The following USH2A variants were observed in gnomAD, a reference collection of about 807,000 sequenced individuals.
USH2A encodes Usher syndrome 2A (autosomal recessive, mild).
A neutral mutation model predicts 538.9 loss-of-function variants in USH2A; 443 were observed. That is an observed-to-expected ratio of 0.82 (90% CI 0.76 to 0.89). The LOEUF is 0.89. Ranked by LOEUF, USH2A falls within the 40% of genes least tolerant of loss-of-function variation. The pLI is 0.00. For missense variants in USH2A, 6,633 were observed against 6,324.8 expected (o/e 1.05, Z -1.65); for synonymous variants, 2,413 against 2,273.5 (o/e 1.06, Z -1.75).
chr1:216,303,584 T>TA (rs1252513105), intron 9 of USH2A, among the ~76,000 whole-genome samples: 2 of 152,062 alleles, frequency 1.3e-5, no homozygotes, highest in Admixed American at 6.6e-5. Flanking sequence ...ATTAGTAAAT[T>TA]AAAAAACCCT....
chr1:216,195,330 A>G (rs2034814129), intron 19 of USH2A, among the ~76,000 whole-genome samples: 1 of 152,120 alleles, frequency 6.6e-6, no homozygotes, highest in East Asian at 1.9e-4. Flanking sequence ...GCTCAACCTC[A>G]GCTCATACCT....
chr1:215,954,863 C>T (rs1667024715), intron 37 of USH2A, among the ~76,000 whole-genome samples: 1 of 152,104 alleles, frequency 6.6e-6, no homozygotes, highest in Non-Finnish European at 1.5e-5. Flanking sequence ...TTCTTTTCTT[C>T]ACTCCCTAGC....
intron 38 of USH2A, among the ~76,000 whole-genome samples, chr1:215,910,208 C>T (rs1329969178): frequency 2.0e-5 from 3 of 151,986 alleles, no homozygotes; most frequent in Non-Finnish European, 2.9e-5. Flanking sequence ...GAACATTTCA[C>T]ACTTTTGTCA....
At chr1:216,102,379 T>C in intron 21 of USH2A, among the ~76,000 whole-genome samples, 1 of 149,312 alleles carries the variant, frequency 6.7e-6, no homozygotes, top group South Asian at 2.1e-4. Context: ...TTTTTATATA[T>C]AATATTAAAT....
chr1:216,093,974 G>A (rs2032375670), intron 22 of USH2A, among the ~76,000 whole-genome samples: 1 of 152,090 alleles, frequency 6.6e-6, no homozygotes, highest in Non-Finnish European at 1.5e-5. Flanking sequence ...CAACCTCAAG[G>A]GGCTACTTCA....
chr1:215,787,075 T>C (rs988145568), intron 51 of USH2A, among the ~76,000 whole-genome samples: 10 of 152,172 alleles, frequency 6.6e-5, no homozygotes, highest in Non-Finnish European at 1.0e-4. Flanking sequence ...CAAATTGGGA[T>C]TAAAATTTCA....
chr1:216,017,389 T>A (rs1397631531), intron 32 of USH2A, among the ~76,000 whole-genome samples: 1 of 152,226 alleles, frequency 6.6e-6, no homozygotes, highest in Non-Finnish European at 1.5e-5. Context: ...GAGGAGATAA[T>A]CGAGATAACT....
chr1:216,243,762 T>C (rs183121912), intron 13 of USH2A, among the ~76,000 whole-genome samples: 1 of 152,224 alleles, frequency 6.6e-6, no homozygotes, highest in Non-Finnish European at 1.5e-5. Flanking sequence ...CATTTTCTAC[T>C]AAATATTTTA....
At chr1:216,077,770 T>A (rs937068636) in intron 27 of USH2A, among the ~76,000 whole-genome samples, 4 of 149,990 alleles carry the variant, frequency 2.7e-5, no homozygotes, top group African/African-American at 9.7e-5. Flanking sequence ...TAAATAGTAA[T>A]TTATATATAT....
chr1:216,118,421 T>A (rs1232540386), intron 21 of USH2A, among the ~76,000 whole-genome samples: 1 of 152,126 alleles, frequency 6.6e-6, no homozygotes, highest in Non-Finnish European at 1.5e-5. Flanking sequence ...TCTCAAGGAC[T>A]TCTCTATGGG....
chr1:216,319,692 G>A (rs1352849333), intron 9 of USH2A, among the ~76,000 whole-genome samples: 2 of 152,176 alleles, frequency 1.3e-5, no homozygotes, highest in Non-Finnish European at 1.5e-5. Flanking sequence ...AGTTGAAACT[G>A]AGGAGTGGGA....
At chr1:216,245,963 A>G (rs897448709) in intron 13 of USH2A, among the ~76,000 whole-genome samples, 6 of 152,196 alleles carry the variant, frequency 3.9e-5, no homozygotes, top group African/African-American at 1.2e-4. Flanking sequence ...AATTTATTGT[A>G]AAGAAGGTAT....
chr1:216,050,604 C>CTTTTT (rs746265112), intron 30 of USH2A, among the ~76,000 whole-genome samples: 1 of 68,566 alleles, frequency 1.5e-5, no homozygotes, highest in African/African-American at 5.3e-5. Context: ...TTCTTTCTTT[C>CTTTTT]TTTTTTTTTT....
chr1:215,956,583 G>C (rs948897821), intron 37 of USH2A, among the ~76,000 whole-genome samples: 4 of 152,066 alleles, frequency 2.6e-5, no homozygotes, highest in Non-Finnish European at 5.9e-5. Context: ...TAAGCCATGA[G>C]GACAATGAAA....
intron 9 of USH2A, among the ~76,000 whole-genome samples, chr1:216,293,609 T>C (rs910490674): frequency 6.6e-6 from 1 of 152,222 alleles, no homozygotes; most frequent in Non-Finnish European, 1.5e-5. Context: ...AGGTTCAATC[T>C]GAATTTTACT....
intron 37 of USH2A, among the ~76,000 whole-genome samples, chr1:215,957,270 C>T (rs1053620126): frequency 6.6e-6 from 1 of 152,022 alleles, no homozygotes; most frequent in South Asian, 2.1e-4. Context: ...ATCTTTTGTG[C>T]TGATTTAGAA....
At chr1:215,704,933 A>G (rs1558062314) in intron 61 of USH2A, among the ~76,000 whole-genome samples, 1 of 152,192 alleles carries the variant, frequency 6.6e-6, no homozygotes, top group Non-Finnish European at 1.5e-5. Flanking sequence ...GAACTCTTAG[A>G]GGACAGGGAC....
At chr1:215,778,055 CTTT>C (rs72004094) in intron 55 of USH2A, among the ~76,000 whole-genome samples, 2 of 144,430 alleles carry the variant, frequency 1.4e-5, no homozygotes, top group Non-Finnish European at 1.5e-5. Context: ...ACCCCATTAT[CTTT>C]TTTTTTTTTT....
intron 3 of USH2A, among the ~76,000 whole-genome samples, chr1:216,374,915 T>C (rs944644374): frequency 6.6e-6 from 1 of 152,142 alleles, no homozygotes; most frequent in African/African-American, 2.4e-5. Context: ...CTCTAAGAGA[T>C]GAGTGGTCTT....
Sources: allele counts gnomAD v4.1 joint callset (sites outside exome capture counted in the v4.1 genomes callset), GRCh38; gene constraint gnomAD v4.1.1; transcripts MANE v1.5; gene names NCBI Gene and HGNC (gene_info 2026-07-23, HGNC 2026-07-21).